Variants in SHC4 observed in about 807,000 individuals in gnomAD.
SHC4 encodes the protein SHC adaptor protein 4, also known as SHC-transforming protein 4.
Under a neutral mutation model 69.4 loss-of-function variants are expected in SHC4, and 41 were observed. The observed-to-expected ratio is 0.59, with a 90% CI of 0.46 to 0.77. The LOEUF (loss-of-function observed/expected upper bound fraction) is 0.77, where lower values mean the gene tolerates loss of function less well. Ranked by LOEUF, SHC4 falls within the 30% of genes least tolerant of loss-of-function variation. The pLI is 0.00. For missense variants in SHC4, 777 were observed against 783.8 expected (o/e 0.99, Z 0.10); for synonymous variants, 318 against 299.3 (o/e 1.06, Z -0.64).
intron 9 of SHC4, among the ~76,000 whole-genome samples, chr15:48,848,018 CA>C (rs954948526): frequency 5.9e-4 from 81 of 136,560 alleles, no homozygotes; most frequent in African/African-American, 1.6e-4. Context: ...AAAAAAAAAA[CA>C]AAAAAAACAA....
At position 48,962,784 on chromosome 15, in the gene SHC4, C is replaced by T. The variant is rs766630395; in HGVS notation, c.232G>A (p.Glu78Lys). The T allele has an allele frequency of 1.1e-5, 18 of 1,612,488 alleles. No homozygotes were observed. The East Asian group carries it at 1.3e-4, about 12-fold the overall frequency. ...AAGGTGCACAGTGGGGTGGGGCTCT[C>T]CTGCGACGGCAAGGTGGCATCTTCA... ...PTEDATLPSQ[E>K]SPTPLCTLIP... The change falls in exon 1 of 12, where the codon GAG (glutamate) becomes AAG (lysine). Residue 78 changes from glutamate to lysine, a missense_variant. Physicochemically the swap from Glu to Lys is moderately conservative, Grantham distance 56. Transcript: ENST00000332408.
rs543456954 is a variant in SHC4 at position 48,918,822 on chromosome 15, T to C, written c.656+6057A>G. ...AATTTTTCTGTTCAGCAAATTTTGATTTTTTGCTAATTCTTTAAAGTGAGA... is the reference window on the plus strand; with the variant it reads ...AATTTTTCTGTTCAGCAAATTTTGACTTTTTGCTAATTCTTTAAAGTGAGA... On this transcript the variant is annotated intron_variant, in intron 2 of 11. Coordinates refer to ENST00000332408, the MANE Select transcript of SHC4 (RefSeq NM_203349.4). Among the ~76,000 whole-genome samples, 6 of 152,340 alleles carry C rather than the reference T, an allele frequency of 3.9e-5. No homozygotes were observed. The East Asian group carries it at 1.2e-3, about 29-fold the overall frequency.
rs1490339689 is a variant in SHC4, at chr15:48,833,279, A to T, written c.1737+1490T>A. Among the ~76,000 whole-genome samples the T allele has an allele frequency of 3.9e-5, 6 of 152,186 alleles. No individual in the cohort carries two copies. The East Asian group carries it at 1.2e-3, about 29-fold the overall frequency. On this transcript the variant is annotated intron_variant, in intron 11 of 11. Coordinates refer to ENST00000332408, the MANE Select transcript of SHC4 (RefSeq NM_203349.4). ...GGCCTGTGTGTTCAATTTTTCAATT[A>T]CAGAGGTTTGCCAGTTTTTCAGGAA... is the stretch of plus-strand genomic sequence containing the variant.
At chr15:48,878,891 T>C (rs1899884809) in intron 4 of SHC4, 1 of 590,068 alleles carries the variant, frequency 1.7e-6, no homozygotes, top group Non-Finnish European at 3.0e-6. Flanking sequence ...GGACAGTGAC[T>C]GCACAGTTGT....
chr15:48,852,876 T>G (rs964336939), intron 8 of SHC4, among the ~76,000 whole-genome samples: 1 of 151,142 alleles, frequency 6.6e-6, no homozygotes, highest in Non-Finnish European at 1.5e-5. Flanking sequence ...CACTTCAGCT[T>G]GGGTGACAGA....
chr15:48,840,042 T>C (rs1036740784), intron 10 of SHC4, among the ~76,000 whole-genome samples: 1 of 152,188 alleles, frequency 6.6e-6, no homozygotes, highest in Non-Finnish European at 1.5e-5. Context: ...AAGAAATATA[T>C]ATGTGCTCCT....
At chr15:48,868,331 A>T (rs1899601777) in intron 5 of SHC4, among the ~76,000 whole-genome samples, 1 of 152,180 alleles carries the variant, frequency 6.6e-6, no homozygotes, top group Non-Finnish European at 1.5e-5. Context: ...GACATGTTGG[A>T]TTTTGTGGTT....
In SHC4 at chr15:48,867,249, A is replaced by C. The variant is rs552924553; in HGVS notation, c.946+569T>G. On this transcript the variant is annotated intron_variant, in intron 6 of 11. Coordinates refer to ENST00000332408, the MANE Select transcript of SHC4 (RefSeq NM_203349.4). ...GCACTAACCTATAATAGAAATGTGG[A>C]GTGTTAATGAAAAGAGAAATAAGTG... is the stretch of plus-strand genomic sequence containing the variant. Among the ~76,000 whole-genome samples the C allele has an allele frequency of 2.8e-3, 429 of 152,354 alleles. 1 individual carries two copies. The highest frequency in any genetic ancestry group is 4.0e-3 in the Non-Finnish European group (272 of 68,040).
chr15:48,890,948 AG>A, intron 2 of SHC4, 137 bp from the exon 3 acceptor site: 3 of 902,926 alleles, frequency 3.3e-6, no homozygotes, highest in Non-Finnish European at 5.3e-6. Context: ...GTATTCTCCC[AG>A]CCCCACAGGA....
intron 1 of SHC4, chr15:48,946,513 TC>T: frequency 2.2e-6 from 2 of 895,240 alleles, no homozygotes; most frequent in Non-Finnish European, 2.7e-6. Context: ...CTCCTCTTCC[TC>T]CTTCTTTTCT....
chr15:48,843,439 G>T lies in SHC4; in HGVS notation c.1453C>A (p.Gln485Lys), dbSNP rs776785661. ...PGSAGNQRSA[Q>K]PLGSPWHCGK... ...CAGTGCCATGGGCTCCCCAGTGGTT[G>T]GGCTGACCTTTGATTTCCAGCAGAG... The change falls in exon 10 of 12, where the codon CAA (glutamine) becomes AAA (lysine). Residue 485 changes from glutamine to lysine, a missense_variant. By Grantham distance (53) the Gln-to-Lys change is moderately conservative. Coordinates refer to ENST00000332408, the MANE Select transcript of SHC4 (RefSeq NM_203349.4). 7 of 1,613,666 alleles carry T rather than the reference G, an allele frequency of 4.3e-6. No homozygotes were observed. The highest frequency in any genetic ancestry group is 5.9e-6 in the Non-Finnish European group (7 of 1,179,764).
chr15:48,880,453 C>T lies in SHC4; in HGVS notation c.840+3795G>A, dbSNP rs1416264533. ...GTGTGGGTGGGGGTATGCTAGTGCA[C>T]AATAAACTGGCTGGTTGTATTTACC... On this transcript the variant is annotated intron_variant, in intron 4 of 11. Coordinates refer to ENST00000332408, the MANE Select transcript of SHC4 (RefSeq NM_203349.4). Among the ~76,000 whole-genome samples the T allele has an allele frequency of 2.0e-5, 3 of 151,968 alleles. No homozygotes were observed. In the East Asian group the frequency reaches 5.8e-4, roughly 29 times the overall value.
chr15:48,888,961 GA>G (rs1247511346), intron 3 of SHC4, among the ~76,000 whole-genome samples: 7 of 149,342 alleles, frequency 4.7e-5, no homozygotes, highest in African/African-American at 1.7e-4. Flanking sequence ...GGAGAGAAAA[GA>G]AAAGAAAAAA....
chr15:48,923,102 C>T (rs1215301511), intron 2 of SHC4, among the ~76,000 whole-genome samples: 1 of 152,050 alleles, frequency 6.6e-6, no homozygotes, highest in Admixed American at 6.5e-5. Flanking sequence ...GAGGAAATAC[C>T]AAGGATAGAC....
chr15:48,922,497 C>T (rs996200089), intron 2 of SHC4, among the ~76,000 whole-genome samples: 4 of 152,196 alleles, frequency 2.6e-5, no homozygotes, highest in African/African-American at 7.2e-5. Flanking sequence ...TGAAGGCTCA[C>T]GCTGCTCCTC....
intron 6 of SHC4, among the ~76,000 whole-genome samples, 192 bp from the exon 7 acceptor site, chr15:48,858,007 A>G (rs1899363715): frequency 6.6e-6 from 1 of 152,210 alleles, no homozygotes; most frequent in Non-Finnish European, 1.5e-5. Context: ...GAAAGATTCA[A>G]ATTTTACATC....
intron 2 of SHC4, among the ~76,000 whole-genome samples, chr15:48,910,053 G>C (rs556930651): frequency 1.3e-5 from 2 of 152,060 alleles, no homozygotes; most frequent in Admixed American, 1.3e-4. Context: ...TTGGTATTAG[G>C]GTGATGCTGG....
chr15:48,832,836 C>T (rs1400036828), intron 11 of SHC4, among the ~76,000 whole-genome samples: 1 of 152,064 alleles, frequency 6.6e-6, no homozygotes, highest in Non-Finnish European at 1.5e-5. Flanking sequence ...TGCTGCTGAA[C>T]CCCTCTAGTG....
intron 2 of SHC4, 77 bp downstream of exon 2, chr15:48,924,802 C>T: frequency 6.8e-7 from 1 of 1,477,184 alleles, no homozygotes; most frequent in South Asian, 1.1e-5. Flanking sequence ...GGAAGGTTTG[C>T]ATAAAATTCC....
Sources: gnomAD v4.1 joint callset for allele counts (sites outside exome capture counted in the v4.1 genomes callset) on GRCh38, gnomAD v4.1.1 for gene constraint, MANE v1.5 for transcripts, NCBI Gene and HGNC (gene_info 2026-07-23, HGNC 2026-07-21) for gene names.